LATS2: variants seen among roughly 807,000 people sequenced by gnomAD.
The protein encoded by LATS2 is large tumor suppressor kinase 2.
In LATS2, 24 loss-of-function variants were observed where a neutral mutation model predicts 76.0. The observed-to-expected ratio is 0.32, with a 90% CI of 0.23 to 0.44. The LOEUF is 0.44. Ranked by LOEUF, LATS2 falls within the 20% of genes least tolerant of loss-of-function variation. The pLI, the probability that LATS2 is intolerant of heterozygous loss-of-function variation, is 1.00. For synonymous variants in LATS2, 692 were observed against 635.4 expected (o/e 1.09, Z -1.34); for missense variants, 1,286 against 1,481.2 (o/e 0.87, Z 2.16).
chr13:21,058,380 C>T (rs1297258867), intron 1 of LATS2, among the ~76,000 whole-genome samples: 5 of 152,230 alleles, frequency 3.3e-5, no homozygotes, highest in African/African-American at 9.6e-5. Context: ...TTCCCGAAAT[C>T]CTTCCTCTGT....
At chr13:20,979,990 C>T (rs1161456303) in intron 6 of LATS2, among the ~76,000 whole-genome samples, 193 bp from the exon 7 acceptor site, 4 of 152,178 alleles carry the variant, frequency 2.6e-5, no homozygotes, top group Non-Finnish European at 5.9e-5. Context: ...TGGCCATGGC[C>T]GCTTAGGTTT....
chr13:20,976,328 A>G (rs1429988660), intron 7 of LATS2, among the ~76,000 whole-genome samples: 2 of 152,188 alleles, frequency 1.3e-5, no homozygotes, highest in Non-Finnish European at 2.9e-5. Context: ...GTTTTCATAG[A>G]GCTAAAACTG....
chr13:21,054,357 G>A (rs192810150), intron 1 of LATS2, among the ~76,000 whole-genome samples: 31 of 152,210 alleles, frequency 2.0e-4, no homozygotes, highest in South Asian at 1.0e-3. Flanking sequence ...GCTGTGAGCC[G>A]AGGTCATTCC....
At chr13:20,993,546 G>C (rs994921527) in intron 2 of LATS2, among the ~76,000 whole-genome samples, 1 of 151,072 alleles carries the variant, frequency 6.6e-6, no homozygotes, top group African/African-American at 2.4e-5. Flanking sequence ...CCGCCACATG[G>C]GCAGGCCATG....
intron 1 of LATS2, among the ~76,000 whole-genome samples, chr13:21,050,356 C>A (rs747539045): frequency 6.7e-6 from 1 of 149,340 alleles, no homozygotes; most frequent in East Asian, 2.4e-4. Context: ...ATTATCACAA[C>A]CCCAGAAGCC....
chr13:21,000,874 A>G (rs1214888126), intron 2 of LATS2, among the ~76,000 whole-genome samples: 4 of 152,370 alleles, frequency 2.6e-5, no homozygotes, highest in African/African-American at 7.2e-5. Context: ...AACTATGTAC[A>G]CAAATCAGTT....
chr13:21,008,075 A>G (rs1871430443), intron 2 of LATS2, among the ~76,000 whole-genome samples: 1 of 151,874 alleles, frequency 6.6e-6, no homozygotes, highest in African/African-American at 2.4e-5. Flanking sequence ...TCTGTTTTAA[A>G]AGGCCCACTC....
At chr13:21,015,631 T>G (rs2138349204) in intron 2 of LATS2, among the ~76,000 whole-genome samples, 1 of 152,376 alleles carries the variant, frequency 6.6e-6, no homozygotes, top group Middle Eastern at 3.4e-3. Flanking sequence ...AAAATTAATT[T>G]GATTTTTTAC....
At position 21,007,573 on chromosome 13, in the gene LATS2, A is replaced by AG. The variant is rs1192119841; in HGVS notation, c.343-16170_343-16169insC. 4.7e-4 allele frequency among the ~76,000 whole-genome samples: 9 copies of AG among 19,104 alleles called. 1 individual carries two copies. The highest frequency in any genetic ancestry group is 2.3e-3 in the African/African-American group (4 of 1,750). 12.5% of individuals were successfully genotyped at this position (19,104 alleles called of 152,430 possible). A position where few individuals can be genotyped will look rare whatever the true frequency, so the allele number is the denominator to read the frequency against. On this transcript the variant is annotated intron_variant, in intron 2 of 7. Coordinates refer to ENST00000382592, the MANE Select transcript of LATS2 (RefSeq NM_014572.3). ...TATATATATATATATATATATATATATATATATATATATAGTATATATATA... is the reference window on the plus strand; with the variant it reads ...TATATATATATATATATATATATATAGTATATATATATATAGTATATATATA...
In LATS2 at chr13:20,988,759, C is replaced by A. The variant is rs758259741; in HGVS notation, c.1021G>T (p.Asp341Tyr). Residue 341 changes from aspartate (D) to tyrosine (Y), a missense_variant, in exon 4 of 8, where the codon GAC becomes TAC. Coordinates refer to ENST00000382592, the MANE Select transcript of LATS2 (RefSeq NM_014572.3). ...GTGAGCAGGCTCTGCGGGGGGCTGT[C>A]GCTGGCGAACACCTGGCTGCGGGAG... is the stretch of plus-strand genomic sequence containing the variant. ...LGSRSQVFASDSPPQSLLTPS... is the reference protein window; with the variant it reads ...LGSRSQVFASYSPPQSLLTPS... 3 of 1,579,976 alleles carry A rather than the reference C, an allele frequency of 1.9e-6. No individual in the cohort carries two copies. In the South Asian group the frequency reaches 3.4e-5, roughly 18 times the overall value.
chr13:20,975,425 A>G, intron 7 of LATS2, 61 bp from the exon 8 acceptor site: 3 of 1,485,386 alleles, frequency 2.0e-6, no homozygotes, highest in East Asian at 4.6e-5. Flanking sequence ...GTTCTGGGAC[A>G]GCGTGTGATG....
rs1870498712 is a variant in LATS2 at position 20,991,339 on chromosome 13, G to A, written c.408C>T (p.Ile136=). 1 of 1,614,080 alleles carries A rather than the reference G, an allele frequency of 6.2e-7. No homozygotes were observed. Among genetic ancestry groups the A allele is most frequent in the Non-Finnish European group, 8.5e-7 (1 of 1,180,044 alleles). ...TCGGGTCCAGGTAGCCCATCTTGCT[G>A]ATGTACTCCAGGGCGGCCTCGATGC... ...SRSIEAALEY[I]SKMGYLDPRN... Residue 136 remains isoleucine (I), a synonymous_variant, in exon 3 of 8, where the codon ATC becomes ATT. Transcript: ENST00000382592. The surrounding 1 kb of genome is among the most constrained non-coding windows in gnomAD (Gnocchi z 4.9).
At chr13:21,004,701 G>T (rs957584954) in intron 2 of LATS2, among the ~76,000 whole-genome samples, 14 of 152,170 alleles carry the variant, frequency 9.2e-5, no homozygotes, top group African/African-American at 3.4e-4. Flanking sequence ...CCATGGGGCT[G>T]TTCAACAGTA....
intron 2 of LATS2, among the ~76,000 whole-genome samples, chr13:20,998,453 G>A (rs1870860690): frequency 6.6e-6 from 1 of 152,218 alleles, no homozygotes; most frequent in Non-Finnish European, 1.5e-5. Context: ...GGCAGAGGAG[G>A]CTGCACTGTC....
intron 2 of LATS2, among the ~76,000 whole-genome samples, chr13:21,034,514 C>T (rs1268908426): frequency 6.6e-6 from 1 of 152,124 alleles, no homozygotes; most frequent in Non-Finnish European, 1.5e-5. Context: ...GCAGAGGTGC[C>T]GTCTGGTGCA....
rs1016054168 is a variant in LATS2, at chr13:20,991,737, C to T, written c.343-333G>A. On this transcript the variant is annotated intron_variant, in intron 2 of 7. Coordinates refer to ENST00000382592, the MANE Select transcript of LATS2 (RefSeq NM_014572.3). The surrounding 1 kb of genome is among the most constrained non-coding windows in gnomAD (Gnocchi z 4.9). ...GTTGGACTGGTGAGTTCAGGATGAA[C>T]CTAAAACTAGAAACATTTAAGGGGA... is the stretch of plus-strand genomic sequence containing the variant. Among the ~76,000 whole-genome samples, 10 of 152,186 alleles carry T rather than the reference C, an allele frequency of 6.6e-5. No homozygotes were observed. The highest frequency in any genetic ancestry group is 2.4e-4 in the African/African-American group (10 of 41,456).
chr13:21,043,014 G>A lies in LATS2; in HGVS notation c.342+2671C>T, dbSNP rs961686075. Among the ~76,000 whole-genome samples, 9 of 147,336 alleles carry A rather than the reference G, an allele frequency of 6.1e-5. No individual in the cohort carries two copies. In the Admixed American group the frequency reaches 6.1e-4, roughly 10 times the overall value. On this transcript the variant is annotated intron_variant, in intron 2 of 7. Transcript: ENST00000382592. ...AAAAACCAAAAAACAAAAAACAGTA[G>A]GAGTGAAAGGGGTAAAGCTGCAACA...
chr13:21,037,782 G>C (rs1009229757), intron 2 of LATS2, among the ~76,000 whole-genome samples: 12 of 152,340 alleles, frequency 7.9e-5, no homozygotes, highest in African/African-American at 2.9e-4. Flanking sequence ...GGCAGCCTGA[G>C]AGACAGGCAG....
At chr13:21,024,407 G>T (rs911230499) in intron 2 of LATS2, among the ~76,000 whole-genome samples, 1 of 152,172 alleles carries the variant, frequency 6.6e-6, no homozygotes, top group African/African-American at 2.4e-5. Context: ...CTGTACCCCA[G>T]CCTGGGCGAC....
Sources: allele counts gnomAD v4.1 joint callset (sites outside exome capture counted in the v4.1 genomes callset), GRCh38; gene constraint gnomAD v4.1.1; non-coding constraint Gnocchi (gnomAD v3.1); transcripts MANE v1.5; gene names NCBI Gene and HGNC (gene_info 2026-07-23, HGNC 2026-07-21).